The following PLCB1 variants were observed in gnomAD, a reference collection of about 807,000 sequenced individuals.
PLCB1 encodes the protein 1-phosphatidylinositol 4,5-bisphosphate phosphodiesterase beta-1.
A neutral mutation model predicts 161.8 loss-of-function variants in PLCB1; 46 were observed. The ratio of observed to expected loss-of-function variants is 0.28; its 90% CI spans 0.22 to 0.36. The LOEUF is 0.36. Among genes scored for constraint, PLCB1 ranks in the 10% least tolerant of loss-of-function variants. PLCB1 has a pLI of 1.00. For synonymous variants in PLCB1, 517 were observed against 503.7 expected (o/e 1.03, Z -0.35); for missense variants, 1,016 against 1,472.5 (o/e 0.69, Z 5.07).
At chr20:8,283,623 T>C (rs888363877) in intron 2 of PLCB1, among the ~76,000 whole-genome samples, 1 of 151,794 alleles carries the variant, frequency 6.6e-6, no homozygotes, top group Non-Finnish European at 1.5e-5. Flanking sequence ...ATGTAACTTA[T>C]AGGTCAAAAT....
rs73092072 is a variant in PLCB1, at chr20:8,472,970, C to T, written c.246+101520C>T. The stretch of plus-strand genomic sequence containing the variant: ...GGCCGGCATTCTTCCATCTTGTAAA[C>T]CCATCATCTACAAACAGAGACATCC... On this transcript the variant is annotated intron_variant, in intron 3 of 31. Coordinates refer to ENST00000338037, the MANE Select transcript of PLCB1 (RefSeq NM_015192.4). Among the ~76,000 whole-genome samples the T allele has an allele frequency of 2.4e-3, 370 of 152,250 alleles. 2 individuals are homozygous for T. The highest frequency in any genetic ancestry group is 4.3e-3 in the Non-Finnish European group (293 of 68,026).
intron 3 of PLCB1, among the ~76,000 whole-genome samples, chr20:8,480,103 C>T (rs991796016): frequency 2.0e-5 from 3 of 152,124 alleles, no homozygotes; most frequent in Non-Finnish European, 2.9e-5. Context: ...GGTAATAGTT[C>T]AGATTACTTC....
At chr20:8,771,400 C>T (rs926440637) in intron 26 of PLCB1, among the ~76,000 whole-genome samples, 13 of 152,042 alleles carry the variant, frequency 8.6e-5, no homozygotes, top group Admixed American at 2.6e-4. Context: ...TACCAGACAG[C>T]GCCAGCCATT....
intron 2 of PLCB1, among the ~76,000 whole-genome samples, chr20:8,169,716 A>G (rs928348593): frequency 6.6e-6 from 1 of 152,154 alleles, no homozygotes; most frequent in East Asian, 1.9e-4. Context: ...TCAGACTCCC[A>G]GGAACTTGGA....
At chr20:8,266,969 G>A (rs1454894282) in intron 2 of PLCB1, among the ~76,000 whole-genome samples, 4 of 151,614 alleles carry the variant, frequency 2.6e-5, no homozygotes, top group African/African-American at 4.9e-5. Context: ...CCTGGGAGGC[G>A]GAGGGTGCAA....
At chr20:8,866,605 G>A (rs6077444) in intron 31 of PLCB1, among the ~76,000 whole-genome samples, 45,604 of 150,854 alleles carry the variant, frequency 0.3, 7,774 homozygotes, top group East Asian at 0.65. Flanking sequence ...AATCTAGTTA[G>A]TAGAACTAGT....
At chr20:8,449,193 T>A (rs1342440304) in intron 3 of PLCB1, among the ~76,000 whole-genome samples, 4 of 152,220 alleles carry the variant, frequency 2.6e-5, no homozygotes, top group African/African-American at 4.8e-5. Flanking sequence ...AGGTCCTATA[T>A]CAAGCATTTT....
chr20:8,658,429 A>G, intron 8 of PLCB1, 109 bp from the exon 9 acceptor site: 1 of 804,018 alleles, frequency 1.2e-6, no homozygotes, highest in Non-Finnish European at 1.9e-6. Flanking sequence ...GTTTCAATAT[A>G]GCATTTTCTT....
chr20:8,328,505 C>A (rs1337192095), intron 2 of PLCB1, among the ~76,000 whole-genome samples: 3 of 151,590 alleles, frequency 2.0e-5, no homozygotes, highest in Non-Finnish European at 4.4e-5. Flanking sequence ...TTGGCCCTAA[C>A]TATTCCATTT....
intron 2 of PLCB1, among the ~76,000 whole-genome samples, chr20:8,350,964 C>A (rs1338421449): frequency 1.3e-5 from 2 of 152,094 alleles, no homozygotes; most frequent in African/African-American, 2.4e-5. Flanking sequence ...ATCCCAGTCA[C>A]AATCCCAGCA....
intron 31 of PLCB1, among the ~76,000 whole-genome samples, chr20:8,837,054 C>T (rs1986314346): frequency 6.6e-6 from 1 of 152,112 alleles, no homozygotes; most frequent in Non-Finnish European, 1.5e-5. Flanking sequence ...AGCTTCAGCC[C>T]CGATGAAGCT....
At chr20:8,872,851 C>G (rs140501300) in intron 31 of PLCB1, among the ~76,000 whole-genome samples, 288 of 152,278 alleles carry the variant, frequency 1.9e-3, no homozygotes, top group Non-Finnish European at 3.5e-3. Context: ...AGCACTCCAA[C>G]ACCCGGCATC....
chr20:8,273,096 A>G (rs1263274849), intron 2 of PLCB1, among the ~76,000 whole-genome samples: 1 of 152,220 alleles, frequency 6.6e-6, no homozygotes, highest in African/African-American at 2.4e-5. Flanking sequence ...AGAGACAGCA[A>G]TAATGAACAA....
Position 8,394,126 on chromosome 20 carries a change from A to G in PLCB1, c.246+22676A>G, listed in dbSNP as rs373736531. 3.3e-5 allele frequency among the ~76,000 whole-genome samples: 5 copies of G among 152,240 alleles called. No individual in the cohort carries two copies. The South Asian group carries it at 6.2e-4, about 19-fold the overall frequency. The stretch of plus-strand genomic sequence containing the variant: ...AAACACAAGAATTTCATTTATTCCC[A>G]TAGCACCTGGAATCTATGCTGGCAT... On this transcript the variant is annotated intron_variant, in intron 3 of 31. Transcript: ENST00000338037.
At chr20:8,453,202 G>A (rs761317998) in intron 3 of PLCB1, among the ~76,000 whole-genome samples, 1 of 152,202 alleles carries the variant, frequency 6.6e-6, no homozygotes, top group Non-Finnish European at 1.5e-5. Context: ...CCGGCCATGA[G>A]TCTCAGAGTT....
At chr20:8,517,301 C>T (rs186189881) in intron 3 of PLCB1, among the ~76,000 whole-genome samples, 14 of 152,258 alleles carry the variant, frequency 9.2e-5, no homozygotes, top group Admixed American at 2.0e-4. Flanking sequence ...ACAGTAGTTG[C>T]TCTGAGAGGC....
chr20:8,143,198 C>CA (rs1335341942), intron 1 of PLCB1, among the ~76,000 whole-genome samples: 1 of 152,162 alleles, frequency 6.6e-6, no homozygotes, highest in Admixed American at 6.5e-5. Flanking sequence ...CTCTACTATG[C>CA]AAGTGTAACT....
At chr20:8,467,618 GTT>G (rs1981875782) in intron 3 of PLCB1, among the ~76,000 whole-genome samples, 1 of 152,128 alleles carries the variant, frequency 6.6e-6, no homozygotes, top group Admixed American at 6.5e-5. Context: ...GGTATACAGT[GTT>G]ATATTTGAGT....
intron 31 of PLCB1, among the ~76,000 whole-genome samples, chr20:8,857,130 C>T (rs889248400): frequency 4.6e-5 from 7 of 152,150 alleles, no homozygotes; most frequent in Non-Finnish European, 1.0e-4. Flanking sequence ...AACAGACACG[C>T]CCAGGCTTGT....
Sources: gnomAD v4.1 joint callset for allele counts (sites outside exome capture counted in the v4.1 genomes callset) on GRCh38, gnomAD v4.1.1 for gene constraint, MANE v1.5 for transcripts, NCBI Gene and HGNC (gene_info 2026-07-23, HGNC 2026-07-21) for gene names.